The following PLOD3 variants were observed in gnomAD, a reference collection of about 807,000 sequenced individuals.
The protein encoded by PLOD3 is multifunctional procollagen lysine hydroxylase and glycosyltransferase LH3.
A neutral mutation model predicts 96.9 loss-of-function variants in PLOD3; 73 were observed. The ratio of observed to expected loss-of-function variants is 0.75; its 90% CI spans 0.62 to 0.92. The LOEUF is 0.92. PLOD3 is among the 40% of genes least tolerant of loss of function. The pLI is 0.00. For missense variants in PLOD3, 1,004 were observed against 1,004.3 expected, an observed-to-expected ratio of 1.00 and a Z score of 0.00; for synonymous variants, 454 against 413.7, an observed-to-expected ratio of 1.10 and a Z score of -1.18.
intron 17 of PLOD3, among the ~76,000 whole-genome samples, chr7:101,207,164 C>T (rs563094929): frequency 1.3e-5 from 2 of 151,982 alleles, no homozygotes; most frequent in East Asian, 1.9e-4. Flanking sequence ...TTAGTAGAGA[C>T]GAGGTTTCAC....
chr7:101,214,238 T>C (rs982157863), intron 6 of PLOD3, among the ~76,000 whole-genome samples: 10 of 151,712 alleles, frequency 6.6e-5, no homozygotes, highest in African/African-American at 1.7e-4. Flanking sequence ...GTGATTCTCC[T>C]GCCTCAGCCT....
At chr7:101,208,711 A>G in intron 16 of PLOD3, 142 bp downstream of exon 16, 1 of 680,078 alleles carries the variant, frequency 1.5e-6, no homozygotes, top group Non-Finnish European at 2.7e-6. Flanking sequence ...GAATACATGA[A>G]TGAATGCAGT....
intron 6 of PLOD3, 180 bp from the exon 7 acceptor site, chr7:101,213,384 G>A (rs1798218207): frequency 1.5e-6 from 1 of 663,682 alleles, no homozygotes; most frequent in African/African-American, 1.8e-5. Context: ...GGCCCAGAGA[G>A]CTCCACTGCC....
In PLOD3 at chr7:101,216,775, C is replaced by A. The variant is rs754076193; in HGVS notation, c.121G>T (p.Val41Leu). Residue 41 changes from valine (V) to leucine (L), a missense_variant, in exon 2 of 19, where the codon GTG (valine) becomes TTG (leucine). Transcript: ENST00000223127. ...RDPVNPEKLL[V>L]ITVATAETEG... ...GTTTCAGCTGTGGCCACAGTGATCA[C>A]CAGCAGCTTCTCTGTTACCAGAGGG... The A allele has an allele frequency of 6.2e-7, 1 of 1,612,634 alleles. No individual in the cohort carries two copies. Among genetic ancestry groups the A allele is most frequent in the South Asian group, 1.1e-5 (1 of 91,042 alleles).
intron 6 of PLOD3, chr7:101,213,578 G>A (rs11525848): frequency 0.086 from 22,000 of 256,420 alleles, 1,087 homozygotes; most frequent in South Asian, 0.13. Flanking sequence ...GTGCAATGGC[G>A]TGGTCTCGGC....
At chr7:101,211,789 G>A (rs945440526) in intron 11 of PLOD3, 57 bp downstream of exon 11, 6 of 1,582,508 alleles carry the variant, frequency 3.8e-6, no homozygotes, top group Non-Finnish European at 5.2e-6. Flanking sequence ...GGGCAGGAGT[G>A]GGGTTCCCGG....
intron 6 of PLOD3, 133 bp from the exon 7 acceptor site, chr7:101,213,337 T>C: frequency 2.8e-6 from 2 of 721,504 alleles, no homozygotes; most frequent in Non-Finnish European, 5.0e-6. Context: ...GTGTGGCTCG[T>C]TGTGGGCAGG....
chr7:101,213,083 G>A (rs200688791), intron 7 of PLOD3, 24 bp downstream of exon 7: 20 of 1,533,382 alleles, frequency 1.3e-5, no homozygotes, highest in East Asian at 6.7e-5. Flanking sequence ...AGGGCGGGGC[G>A]GGGGTTGAGA....
intron 15 of PLOD3, chr7:101,209,801 A>C (rs1266045296): frequency 3.0e-6 from 1 of 338,048 alleles, no homozygotes; most frequent in African/African-American, 2.1e-5. Context: ...TTGGCCTCCC[A>C]AAGTGCTGGG....
Position 101,216,151 on chromosome 7 carries a change from T to G in PLOD3, c.502+12A>C, listed in dbSNP as rs756653725. The G allele has an allele frequency of 5.6e-6, 9 of 1,613,908 alleles. No individual in the cohort carries two copies. The Admixed American group carries it at 1.5e-4, about 27-fold the overall frequency. On this transcript the variant is annotated intron_variant, in intron 4 of 18. Transcript: ENST00000223127. ...CTCTTGGCCCCTCTGCCTTGGGCAC[T>G]CTGCCACTCACCACCAGAATTGAGG...
chr7:101,206,482 C>T, intron 18 of PLOD3, 46 bp from the exon 19 acceptor site: 1 of 1,545,362 alleles, frequency 6.5e-7, no homozygotes, highest in Non-Finnish European at 8.8e-7. Context: ...AGACGTGGGG[C>T]CTGGGGAGCA....
In PLOD3 at chr7:101,209,942, T is replaced by C. The variant is rs114352011; in HGVS notation, c.1683+151A>G. 2,807 of 599,842 alleles carry C rather than the reference T, an allele frequency of 4.7e-3. 69 individuals are homozygous for C. The highest frequency in any genetic ancestry group is 0.045 in the African/African-American group (2,437 of 53,986). 37.2% of individuals were successfully genotyped at this position (599,842 alleles called of 1,614,324 possible). On this transcript the variant is annotated intron_variant, in intron 15 of 18. Transcript: ENST00000223127. ...ATGCTGGCTTTGGGGGCAAGAGTCC[T>C]TTCTGTTCGGCCTCTGCCTTCATCT...
At chr7:101,210,053 A>G in intron 15 of PLOD3, 40 bp downstream of exon 15, 1 of 1,068,846 alleles carries the variant, frequency 9.4e-7, no homozygotes, top group Non-Finnish European at 1.3e-6. Flanking sequence ...GGCGATGGCC[A>G]TGAGGGCAGG....
intron 16 of PLOD3, among the ~76,000 whole-genome samples, chr7:101,208,239 C>A (rs1798118380): frequency 6.6e-6 from 1 of 152,072 alleles, no homozygotes; most frequent in South Asian, 2.1e-4. Flanking sequence ...CTGGGACATG[C>A]CACCATGCCC....
intron 12 of PLOD3, 28 bp downstream of exon 12, chr7:101,211,563 C>CG (rs1798180947): frequency 1.9e-6 from 3 of 1,591,800 alleles, no homozygotes; most frequent in East Asian, 2.3e-5. Flanking sequence ...TCGGAGGAGG[C>CG]GGGGGGCTGC....
chr7:101,210,286 C>T, intron 14 of PLOD3, 45 bp downstream of exon 14: 1 of 1,558,700 alleles, frequency 6.4e-7, no homozygotes, highest in Non-Finnish European at 8.8e-7. Flanking sequence ...TTCCTTAGCA[C>T]AAGGCGGGGA....
In PLOD3 at chr7:101,217,157, G is replaced by T; in HGVS notation, c.109+9C>A. ...CCCTCGGCCGTGCCGGGCCTCCCCG[G>T]GATCTCACCTGGGTTGACCGGGTCT... is the stretch of plus-strand genomic sequence containing the variant. On this transcript the variant is annotated intron_variant, in intron 1 of 18. Transcript: ENST00000223127. 6.8e-7 allele frequency: 1 copy of T among 1,465,172 alleles called. No individual in the cohort carries two copies. The allele number at this position is 1,465,172 out of a possible 1,614,324, so 90.8% of individuals were successfully genotyped here.
intron 15 of PLOD3, among the ~76,000 whole-genome samples, chr7:101,209,625 C>T (rs367940533): frequency 1.3e-5 from 2 of 149,652 alleles, no homozygotes; most frequent in African/African-American, 4.9e-5. Flanking sequence ...CTCCTGACCT[C>T]AGGTGATCTG....
intron 6 of PLOD3, chr7:101,213,569 T>C (rs1215055488): frequency 1.8e-5 from 5 of 271,742 alleles, no homozygotes; most frequent in Admixed American, 4.9e-5. Context: ...CAGGCTGGAG[T>C]GCAATGGCGT....
Sources: gnomAD v4.1 joint callset for allele counts (sites outside exome capture counted in the v4.1 genomes callset) on GRCh38, gnomAD v4.1.1 for gene constraint, MANE v1.5 for transcripts, NCBI Gene and HGNC (gene_info 2026-07-23, HGNC 2026-07-21) for gene names.